CFAP61: variants seen among roughly 807,000 people sequenced by gnomAD.
The protein encoded by CFAP61 is cilia- and flagella-associated protein 61.
CFAP61 carries 107 observed loss-of-function variants against 135.6 expected under a neutral mutation model. That is an observed-to-expected ratio of 0.79 (90% CI 0.67 to 0.93). The LOEUF is 0.93. Among genes scored for constraint, CFAP61 ranks in the 40% least tolerant of loss-of-function variants. The probability of loss-of-function intolerance (pLI) is 0.00; values close to 1 mark genes in which losing one functional copy is unlikely to be tolerated. For synonymous variants in CFAP61, 575 were observed against 578.5 expected, an observed-to-expected ratio of 0.99 and a Z score of 0.09; for missense variants, 1,507 against 1,556.2, an observed-to-expected ratio of 0.97 and a Z score of 0.53.
At chr20:20,116,555 A>C (rs1037108175) in intron 8 of CFAP61, among the ~76,000 whole-genome samples, 2 of 152,056 alleles carry the variant, frequency 1.3e-5, no homozygotes, top group African/African-American at 4.8e-5. Flanking sequence ...TAGTAGTTTC[A>C]TTGTGTCAGG....
intron 3 of CFAP61, among the ~76,000 whole-genome samples, chr20:20,072,213 C>T (rs1397902619): frequency 1.4e-4 from 21 of 146,590 alleles, no homozygotes; most frequent in Admixed American, 1.3e-3. Context: ...CTCCCAGATT[C>T]ATGCCATTCT....
intron 26 of CFAP61, among the ~76,000 whole-genome samples, chr20:20,348,154 C>G (rs1047263864): frequency 2.6e-5 from 4 of 152,104 alleles, no homozygotes; most frequent in Non-Finnish European, 5.9e-5. Flanking sequence ...GAGGTTGGAA[C>G]TATTCAATGA....
intron 26 of CFAP61, among the ~76,000 whole-genome samples, chr20:20,354,601 G>A (rs546640025): frequency 2.0e-5 from 3 of 152,360 alleles, no homozygotes; most frequent in Non-Finnish European, 4.4e-5. Flanking sequence ...GGTAATGAGG[G>A]GAGGAAGGGG....
intron 8 of CFAP61, among the ~76,000 whole-genome samples, chr20:20,132,009 C>T (rs975582569): frequency 6.6e-6 from 1 of 152,094 alleles, no homozygotes; most frequent in East Asian, 1.9e-4. Flanking sequence ...AGATGTTGTA[C>T]AGCAGATCTC....
At chr20:20,139,061 A>C (rs551577960) in intron 8 of CFAP61, among the ~76,000 whole-genome samples, 1 of 152,276 alleles carries the variant, frequency 6.6e-6, no homozygotes, top group African/African-American at 2.4e-5. Context: ...ATTTCATCAC[A>C]CAAAAATTAA....
chr20:20,120,608 C>A (rs2049536622), intron 8 of CFAP61, among the ~76,000 whole-genome samples: 2 of 152,184 alleles, frequency 1.3e-5, no homozygotes, highest in South Asian at 2.1e-4. Flanking sequence ...TATTCTGCAG[C>A]AGCTGGTTGA....
chr20:20,232,678 A>G (rs1474104010), intron 18 of CFAP61: 1 of 152,158 alleles, frequency 6.6e-6, no homozygotes, highest in Non-Finnish European at 1.5e-5. Flanking sequence ...AGTGTTTTAT[A>G]GTATTTACTC....
chr20:20,063,727 G>A (rs934296144), intron 2 of CFAP61, among the ~76,000 whole-genome samples: 1 of 152,242 alleles, frequency 6.6e-6, no homozygotes, highest in South Asian at 2.1e-4. Flanking sequence ...GCAATAAAAT[G>A]TACTAGGATT....
chr20:20,146,223 G>T (rs2051870411), intron 9 of CFAP61, among the ~76,000 whole-genome samples: 1 of 152,198 alleles, frequency 6.6e-6, no homozygotes. Context: ...GGGCATCAAT[G>T]TCAAGATGAT....
At chr20:20,224,843 G>A (rs539796709) in intron 17 of CFAP61, among the ~76,000 whole-genome samples, 111 of 152,144 alleles carry the variant, frequency 7.3e-4, no homozygotes, top group African/African-American at 2.4e-3. Context: ...CTTACAATTC[G>A]CCCTGTTTAA....
chr20:20,189,938 G>A (rs529027455), intron 14 of CFAP61, among the ~76,000 whole-genome samples: 10 of 152,222 alleles, frequency 6.6e-5, no homozygotes, highest in South Asian at 2.1e-4. Context: ...GGGATTACAC[G>A]TGCCTGCCTG....
chr20:20,132,315 TTATC>T (rs1434195755), intron 8 of CFAP61, among the ~76,000 whole-genome samples: 3 of 152,270 alleles, frequency 2.0e-5, no homozygotes, highest in African/African-American at 7.2e-5. Flanking sequence ...CACATTTTCT[TTATC>T]CATCCAGGAT....
chr20:20,098,873 C>T (rs1432928959), intron 8 of CFAP61, 59 bp downstream of exon 8: 25 of 1,449,980 alleles, frequency 1.7e-5, no homozygotes, highest in Middle Eastern at 1.9e-4. Context: ...ATACACATTG[C>T]GCTCTTCGCT....
At position 20,056,694 on chromosome 20, in the gene CFAP61, T is replaced by A. The variant is rs1243491771; in HGVS notation, c.41T>A (p.Val14Asp). 1.9e-6 allele frequency: 3 copies of A among 1,614,070 alleles called. No individual in the cohort carries two copies. Among genetic ancestry groups the A allele is most frequent in the Non-Finnish European group, 1.7e-6 (2 of 1,180,026 alleles). The change falls in exon 2 of 27, where the codon GTT becomes GAT. Residue 14 changes from valine to aspartate, a missense_variant. Coordinates refer to ENST00000245957, the MANE Select transcript of CFAP61 (RefSeq NM_015585.4). ...LTSPRGKVEV[V>D]HCRRTESQDV... The stretch of plus-strand genomic sequence containing the variant: ...TCTCCAAGAGGAAAGGTAGAAGTTG[T>A]TCATTGCCGAAGAACAGAATCACAG...
intron 25 of CFAP61, among the ~76,000 whole-genome samples, chr20:20,318,230 G>C (rs1601978508): frequency 6.6e-6 from 1 of 152,140 alleles, no homozygotes; most frequent in Non-Finnish European, 1.5e-5. Context: ...ATTATGTGTT[G>C]GATTGAAGTG....
At chr20:20,094,454 G>A (rs1371822249) in intron 7 of CFAP61, 2 of 152,206 alleles carry the variant, frequency 1.3e-5, no homozygotes, top group East Asian at 3.8e-4. Context: ...TTTGTTTTTG[G>A]AAGGCTTTTA....
chr20:20,166,568 A>T (rs2053850993), intron 12 of CFAP61, 132 bp downstream of exon 12: 3 of 680,058 alleles, frequency 4.4e-6, no homozygotes, highest in Non-Finnish European at 7.6e-6. Flanking sequence ...ATGGCATGTC[A>T]TGAGCTCATA....
intron 25 of CFAP61, among the ~76,000 whole-genome samples, chr20:20,314,411 C>CAAA (rs1569284891): frequency 6.5e-5 from 7 of 108,332 alleles, no homozygotes; most frequent in Admixed American, 2.0e-4. Context: ...AAAAAAAAAT[C>CAAA]AACATGAGTT....
intron 2 of CFAP61, among the ~76,000 whole-genome samples, chr20:20,060,031 A>G (rs926798076): frequency 1.3e-5 from 2 of 151,962 alleles, no homozygotes; most frequent in African/African-American, 2.4e-5. Flanking sequence ...TCATAATGAA[A>G]CAGCAAAACA....
Sources: gnomAD v4.1 joint callset for allele counts (sites outside exome capture counted in the v4.1 genomes callset) on GRCh38, gnomAD v4.1.1 for gene constraint, MANE v1.5 for transcripts, NCBI Gene and HGNC (gene_info 2026-07-23, HGNC 2026-07-21) for gene names.